OSBPL3: variants seen among roughly 807,000 people sequenced by gnomAD.
The protein encoded by OSBPL3 is oxysterol-binding protein-related protein 3.
In OSBPL3, 65 loss-of-function variants were observed where a neutral mutation model predicts 120.1. That is an observed-to-expected ratio of 0.54 (90% CI 0.44 to 0.67). OSBPL3 has a LOEUF of 0.67. OSBPL3 is among the 30% of genes least tolerant of loss of function. OSBPL3 has a pLI of 0.00. For missense variants in OSBPL3, 1,004 were observed against 1,082.1 expected (o/e 0.93, Z 1.01); for synonymous variants, 416 against 402.6 (o/e 1.03, Z -0.40).
At chr7:24,857,435 A>C (rs574664916) in intron 10 of OSBPL3, among the ~76,000 whole-genome samples, 1 of 152,236 alleles carries the variant, frequency 6.6e-6, no homozygotes, top group Non-Finnish European at 1.5e-5. Context: ...TCTCTCAGAA[A>C]GCCTTCTTGT....
rs905922203 is a variant in OSBPL3 at position 24,879,511 on chromosome 7, C to A, written c.97-7442G>T. ...AGGCCCCAGAATGTTTCAAGTCTTA[C>A]TACTTGGTTAGCCACAGACCAAAAA... On this transcript the variant is annotated intron_variant, in intron 2 of 22. Transcript: ENST00000313367. The surrounding 1 kb of genome is among the most constrained non-coding windows in gnomAD (Gnocchi z 5.6). 6.6e-6 allele frequency among the ~76,000 whole-genome samples: 1 copy of A among 152,172 alleles called. No individual in the cohort carries two copies. Among genetic ancestry groups the A allele is most frequent in the African/African-American group, 2.4e-5 (1 of 41,444 alleles).
chr7:24,925,202 C>A (rs561738069), intron 1 of OSBPL3, among the ~76,000 whole-genome samples: 1 of 152,290 alleles, frequency 6.6e-6, no homozygotes, highest in Non-Finnish European at 1.5e-5. Context: ...TACAGGCCTA[C>A]CGCTGTGATA....
chr7:24,805,249 C>T lies in OSBPL3; in HGVS notation c.2445-812G>A, dbSNP rs559749263. ...TCCCATAACCTCAAAGTGTATAAAA[C>T]TTCTGAATTTTTGCCAATCTGATAG... On this transcript the variant is annotated intron_variant, in intron 21 of 22. Transcript: ENST00000313367. This position sits in a 1 kb window ranked among gnomAD's most constrained non-coding sequence, Gnocchi z 4.0. Among the ~76,000 whole-genome samples the T allele has an allele frequency of 1.3e-5, 2 of 152,198 alleles. No individual in the cohort carries two copies. The highest frequency in any genetic ancestry group is 1.9e-4 in the East Asian group (1 of 5,182).
At chr7:24,828,622 G>GAAAAAAAAAAAAAAAAA (rs544011465) in intron 16 of OSBPL3, among the ~76,000 whole-genome samples, 1 of 79,864 alleles carries the variant, frequency 1.3e-5, no homozygotes, top group South Asian at 4.3e-4. Context: ...AAAAAAAAAA[G>GAAAAAAAAAAAAAAAAA]AAAAAAAAAA....
At chr7:24,842,618 C>G (rs1797920316) in intron 12 of OSBPL3, among the ~76,000 whole-genome samples, 1 of 152,210 alleles carries the variant, frequency 6.6e-6, no homozygotes, top group African/African-American at 2.4e-5. Context: ...CTTACAGGCA[C>G]TATCACTTCT....
At chr7:24,962,737 C>T (rs1408494042) in intron 1 of OSBPL3, among the ~76,000 whole-genome samples, 1 of 152,178 alleles carries the variant, frequency 6.6e-6, no homozygotes, top group African/African-American at 2.4e-5. Context: ...AATGGCATGA[C>T]TTGCCCCTAG....
In OSBPL3 at chr7:24,902,701, A is replaced by AATAAT. The variant is rs372642745; in HGVS notation, c.-149-10081_-149-10080insATTAT. ...TCTATGGTCATTTACAAGAGAAAAT[A>AATAAT]AATAATAATAATAATAATAATAATA... On this transcript the variant is annotated intron_variant, in intron 1 of 22. Transcript: ENST00000313367. Among the ~76,000 whole-genome samples, 141 of 144,030 alleles carry AATAAT rather than the reference A, an allele frequency of 9.8e-4. 1 individual carries two copies. Among genetic ancestry groups the AATAAT allele is most frequent in the East Asian group, 6.7e-3 (33 of 4,926 alleles). 94.5% of individuals were successfully genotyped at this position (144,030 alleles called of 152,430 possible).
intron 1 of OSBPL3, among the ~76,000 whole-genome samples, chr7:24,914,005 G>C (rs1809206645): frequency 6.6e-6 from 1 of 152,152 alleles, no homozygotes; most frequent in South Asian, 2.1e-4. Context: ...AGACTCTTGG[G>C]TGTTGGCCAG....
At chr7:24,902,701 A>AAT (rs372642745) in intron 1 of OSBPL3, among the ~76,000 whole-genome samples, 15 of 144,024 alleles carry the variant, frequency 1.0e-4, no homozygotes, top group East Asian at 1.0e-3. Flanking sequence ...AAGAGAAAAT[A>AAT]AATAATAATA....
Position 24,872,417 on chromosome 7 carries a change from T to C in OSBPL3, c.97-348A>G, listed in dbSNP as rs1802264118. On this transcript the variant is annotated intron_variant, in intron 2 of 22. Coordinates refer to ENST00000313367, the MANE Select transcript of OSBPL3 (RefSeq NM_015550.4). This position sits in a 1 kb window ranked among gnomAD's most constrained non-coding sequence, Gnocchi z 4.1. ...CATGCAATTACTGTTCGTTCAGCAC[T>C]AGACTTCAGTCTGAATTTTAACCGA... Among the ~76,000 whole-genome samples, 3 of 151,550 alleles carry C rather than the reference T, an allele frequency of 2.0e-5. No individual in the cohort carries two copies. Among genetic ancestry groups the C allele is most frequent in the Middle Eastern group, 3.4e-3 (1 of 294 alleles).
rs1806873337 is a variant in OSBPL3 at position 24,900,804 on chromosome 7, A to G, written c.-149-8183T>C. ...GCAACAAGGCGAAACCCCCATCTTT[A>G]CAAAAAATATTAGGTTGGTGTGAAA... On this transcript the variant is annotated intron_variant, in intron 1 of 22. Coordinates refer to ENST00000313367, the MANE Select transcript of OSBPL3 (RefSeq NM_015550.4). The surrounding 1 kb of genome is among the most constrained non-coding windows in gnomAD (Gnocchi z 4.5). Among the ~76,000 whole-genome samples, 1 of 152,138 alleles carries G rather than the reference A, an allele frequency of 6.6e-6. No individual in the cohort carries two copies. The highest frequency in any genetic ancestry group is 1.5e-5 in the Non-Finnish European group (1 of 68,026).
chr7:24,976,139 TC>T (rs1334411991), intron 1 of OSBPL3, among the ~76,000 whole-genome samples: 1 of 152,228 alleles, frequency 6.6e-6, no homozygotes, highest in Non-Finnish European at 1.5e-5. Flanking sequence ...ACTTAACTTT[TC>T]CTAGCCTCAT....
At chr7:24,887,281 G>A (rs1003720095) in intron 2 of OSBPL3, among the ~76,000 whole-genome samples, 9 of 152,106 alleles carry the variant, frequency 5.9e-5, no homozygotes, top group African/African-American at 2.2e-4. Flanking sequence ...CTTATAAGCA[G>A]GGTCCCTTTA....
chr7:24,920,169 T>A (rs1007562018), intron 1 of OSBPL3, among the ~76,000 whole-genome samples: 1 of 152,184 alleles, frequency 6.6e-6, no homozygotes, highest in African/African-American at 2.4e-5. Context: ...TGAAAATGTA[T>A]GTCTACATGA....
chr7:24,807,047 C>A, intron 20 of OSBPL3, 145 bp from the exon 21 acceptor site: 1 of 685,622 alleles, frequency 1.5e-6, no homozygotes, highest in Non-Finnish European at 2.4e-6. Flanking sequence ...GACTAATGAA[C>A]AGGCACTGAA....
At chr7:24,841,694 C>CA (rs67988881) in intron 13 of OSBPL3, among the ~76,000 whole-genome samples, 286 of 12,082 alleles carry the variant, frequency 0.024, 28 homozygotes, top group South Asian at 0.051. Flanking sequence ...GACTATGTCT[C>CA]AAAAAAAAAA....
At chr7:24,956,812 C>T (rs1815112527) in intron 1 of OSBPL3, among the ~76,000 whole-genome samples, 1 of 152,106 alleles carries the variant, frequency 6.6e-6, no homozygotes, top group Non-Finnish European at 1.5e-5. Flanking sequence ...TTTTTTAACT[C>T]TTTCACCCTT....
At position 24,922,023 on chromosome 7, in the gene OSBPL3, G is replaced by C. The variant is rs1180700773; in HGVS notation, c.-149-29402C>G. Among the ~76,000 whole-genome samples the C allele has an allele frequency of 2.6e-5, 4 of 152,172 alleles. No homozygotes were observed. Among genetic ancestry groups the C allele is most frequent in the African/African-American group, 7.2e-5 (3 of 41,434 alleles). Reference sequence around the variant, plus strand: ...CTTTATGTCTCACGTCCAGCCAAGAGGCTGGTACACAGCAGCCACCTCAAA... The same window carrying C: ...CTTTATGTCTCACGTCCAGCCAAGACGCTGGTACACAGCAGCCACCTCAAA... On this transcript the variant is annotated intron_variant, in intron 1 of 22. Transcript: ENST00000313367. The surrounding 1 kb of genome is among the most constrained non-coding windows in gnomAD (Gnocchi z 4.3).
chr7:24,892,750 C>T (rs572738208), intron 1 of OSBPL3, 129 bp from the exon 2 acceptor site: 8 of 447,384 alleles, frequency 1.8e-5, no homozygotes, highest in African/African-American at 6.0e-5. Context: ...TAGCAGGCGC[C>T]GAGAAGGAAA....
Sources: allele counts gnomAD v4.1 joint callset (sites outside exome capture counted in the v4.1 genomes callset), GRCh38; gene constraint gnomAD v4.1.1; non-coding constraint Gnocchi (gnomAD v3.1); transcripts MANE v1.5; gene names NCBI Gene and HGNC (gene_info 2026-07-23, HGNC 2026-07-21).